NFIL3: variants seen among roughly 807,000 people sequenced by gnomAD.
The protein encoded by NFIL3 is nuclear factor interleukin-3-regulated protein.
In NFIL3, 5 loss-of-function variants were observed where a neutral mutation model predicts 10.0. The observed-to-expected ratio is 0.50, with a 90% CI of 0.26 to 1.06. The LOEUF is 1.06. Among genes scored for constraint, NFIL3 ranks in the 50% least tolerant of loss-of-function variants. NFIL3 has a pLI of 0.13. For synonymous variants in NFIL3, 202 were observed against 206.5 expected, an observed-to-expected ratio of 0.98 and a Z score of 0.19; for missense variants, 436 against 547.6, an observed-to-expected ratio of 0.80 and a Z score of 2.03.
intron 1 of NFIL3, among the ~76,000 whole-genome samples, chr9:91,411,182 G>A (rs1833541079): frequency 6.6e-6 from 1 of 152,228 alleles, no homozygotes; most frequent in Admixed American, 6.5e-5. Flanking sequence ...CCTCTGCCCA[G>A]AGAGAAGTAG....
the NFIL3 span, among the ~76,000 whole-genome samples, chr9:91,445,657 G>A: frequency 5.3e-5 from 8 of 152,118 alleles, no homozygotes; most frequent in East Asian, 1.9e-4. Context: ...GGGCACTGGG[G>A]GCGCAAGACT....
chr9:91,426,655 A>G (rs1833876885), upstream of NFIL3, among the ~76,000 whole-genome samples: 1 of 152,176 alleles, frequency 6.6e-6, no homozygotes, highest in Admixed American at 6.5e-5. Context: ...ACAATCAACC[A>G]CATTCTAATT....
chr9:91,436,060 A>C, the NFIL3 span, among the ~76,000 whole-genome samples: 11 of 152,346 alleles, frequency 7.2e-5, no homozygotes, highest in East Asian at 2.1e-3. Flanking sequence ...TGAAGGCTAA[A>C]AAGCCGGAAG....
At chr9:91,424,874 A>G (rs1207084839), upstream of NFIL3, among the ~76,000 whole-genome samples, 1 of 152,182 alleles carries the variant, frequency 6.6e-6, no homozygotes, top group Non-Finnish European at 1.5e-5. Flanking sequence ...CTAACTGGAT[A>G]CGGTAGTCTT....
At chr9:91,461,795 C>T in the NFIL3 span, among the ~76,000 whole-genome samples, 14 of 152,180 alleles carry the variant, frequency 9.2e-5, no homozygotes, top group East Asian at 1.5e-3. Flanking sequence ...TTCCTCATCG[C>T]AATGTCCTTA....
chr9:91,418,962 A>G (rs568602081), intron 1 of NFIL3, among the ~76,000 whole-genome samples: 243 of 152,188 alleles, frequency 1.6e-3, no homozygotes, highest in African/African-American at 5.7e-3. Context: ...TCATATTGTA[A>G]TGTCTGTGAT....
chr9:91,438,720 T>C, the NFIL3 span, among the ~76,000 whole-genome samples: 2 of 152,210 alleles, frequency 1.3e-5, no homozygotes, highest in Non-Finnish European at 2.9e-5. Context: ...TTCATTCTTT[T>C]ATATGTAGAA....
chr9:91,447,297 T>G, the NFIL3 span, among the ~76,000 whole-genome samples: 2 of 152,194 alleles, frequency 1.3e-5, no homozygotes, highest in Non-Finnish European at 2.9e-5. Context: ...ACACTGGCAT[T>G]CCAGTATCTG....
At chr9:91,438,209 G>A in the NFIL3 span, among the ~76,000 whole-genome samples, 14 of 152,144 alleles carry the variant, frequency 9.2e-5, no homozygotes, top group South Asian at 1.7e-3. Flanking sequence ...CATCATAATG[G>A]GTGTGAGGTC....
At chr9:91,457,218 A>G in the NFIL3 span, among the ~76,000 whole-genome samples, 1 of 151,332 alleles carries the variant, frequency 6.6e-6, no homozygotes, top group Non-Finnish European at 1.5e-5. Context: ...GAATTTTAAC[A>G]TTTTTTAAGG....
intron 1 of NFIL3, among the ~76,000 whole-genome samples, chr9:91,412,108 AAAAAAAAAAAAAAAAC>A (rs1334930050): frequency 2.7e-5 from 4 of 149,106 alleles, no homozygotes; most frequent in African/African-American, 1.0e-4. Flanking sequence ...CAAAAAAAAA[AAAAAAAAAAAAAAAAC>A]CCCACACAAA....
chr9:91,425,402 A>G (rs569561252), upstream of NFIL3, among the ~76,000 whole-genome samples: 2 of 152,282 alleles, frequency 1.3e-5, no homozygotes, highest in East Asian at 3.9e-4. Flanking sequence ...GTTTTTGGAA[A>G]GCCTTCCAGG....
chr9:91,448,370 G>A, the NFIL3 span, among the ~76,000 whole-genome samples: 3 of 152,144 alleles, frequency 2.0e-5, no homozygotes, highest in East Asian at 1.9e-4. Flanking sequence ...AGCGGAGTAC[G>A]TGCAAAAAGA....
chr9:91,460,416 A>G, the NFIL3 span, among the ~76,000 whole-genome samples: 1 of 151,474 alleles, frequency 6.6e-6, no homozygotes. Flanking sequence ...CTGGGACTAT[A>G]GGTGTGCACC....
At chr9:91,416,330 C>A (rs1487988997) in intron 1 of NFIL3, among the ~76,000 whole-genome samples, 2 of 152,026 alleles carry the variant, frequency 1.3e-5, no homozygotes, top group Non-Finnish European at 2.9e-5. Context: ...CTCCTTATGC[C>A]CCTCAACAAT....
upstream of NFIL3, among the ~76,000 whole-genome samples, chr9:91,424,072 C>A (rs1293061551): frequency 6.6e-6 from 1 of 151,230 alleles, no homozygotes; most frequent in Non-Finnish European, 1.5e-5. Flanking sequence ...CACCGCCGTC[C>A]GAGCGCCCGC....
intron 1 of NFIL3, among the ~76,000 whole-genome samples, chr9:91,417,995 G>T (rs1472020661): frequency 2.7e-5 from 4 of 150,838 alleles, no homozygotes; most frequent in African/African-American, 9.7e-5. Flanking sequence ...TAATAAATAC[G>T]ATGACAACAT....
In NFIL3 at chr9:91,409,557, A is replaced by C. The variant is rs1427438303; in HGVS notation, c.1178T>G (p.Leu393Arg). The change falls in exon 2 of 2, where the codon CTC becomes CGC. Residue 393 changes from leucine (L) to arginine (R), a missense_variant. Transcript: ENST00000297689. Reference protein sequence around the residue: ...VQVTNIQDWSLKSEHWHQKEL... With the variant: ...VQVTNIQDWSRKSEHWHQKEL... Reference sequence around the variant, plus strand: ...TTTTTGATGCCAGTGCTCCGATTTGAGAGACCAATCTTGAATGTTAGTCAC... The same window carrying C: ...TTTTTGATGCCAGTGCTCCGATTTGCGAGACCAATCTTGAATGTTAGTCAC... The C allele has an allele frequency of 1.2e-6, 2 of 1,614,094 alleles. No individual in the cohort carries two copies. The highest frequency in any genetic ancestry group is 4.5e-5 in the East Asian group (2 of 44,884).
At chr9:91,420,741 C>T (rs1168364096) in intron 1 of NFIL3, among the ~76,000 whole-genome samples, 1 of 152,150 alleles carries the variant, frequency 6.6e-6, no homozygotes, top group African/African-American at 2.4e-5. Context: ...TGTGATGTCT[C>T]CATGAATTAC....
Sources: gnomAD v4.1 joint callset for allele counts (sites outside exome capture counted in the v4.1 genomes callset) on GRCh38, gnomAD v4.1.1 for gene constraint, MANE v1.5 for transcripts, NCBI Gene and HGNC (gene_info 2026-07-23, HGNC 2026-07-21) for gene names.